RASSF8: variants seen among roughly 807,000 people sequenced by gnomAD.
RASSF8 encodes ras association domain-containing protein 8.
Under a neutral mutation model 48.5 loss-of-function variants are expected in RASSF8, and 22 were observed. That is an observed-to-expected ratio of 0.45 (90% CI 0.32 to 0.65). The LOEUF (loss-of-function observed/expected upper bound fraction) is 0.65, where lower values mean the gene tolerates loss of function less well. Ranked by LOEUF, RASSF8 falls within the 30% of genes least tolerant of loss-of-function variation. The pLI is 0.03. For missense variants in RASSF8, 418 were observed against 489.2 expected, an observed-to-expected ratio of 0.85 and a Z score of 1.37; for synonymous variants, 127 against 171.5, an observed-to-expected ratio of 0.74 and a Z score of 2.03.
At chr12:25,968,964 T>C (rs765681080) in intron 1 of RASSF8, among the ~76,000 whole-genome samples, 11 of 152,194 alleles carry the variant, frequency 7.2e-5, no homozygotes, top group Non-Finnish European at 1.3e-4. Flanking sequence ...GAGCCAGCTC[T>C]CTGGCTGCCT....
At chr12:25,990,120 A>T (rs894482177) in intron 1 of RASSF8, among the ~76,000 whole-genome samples, 3 of 152,190 alleles carry the variant, frequency 2.0e-5, no homozygotes, top group Non-Finnish European at 4.4e-5. Flanking sequence ...TGATCAAGTC[A>T]CCTAATCTTA....
At position 25,969,852 on chromosome 12, in the gene RASSF8, G is replaced by A. The variant is rs755856647; in HGVS notation, c.-203+10704G>A. Among the ~76,000 whole-genome samples the A allele has an allele frequency of 3.9e-5, 6 of 152,082 alleles. No individual in the cohort carries two copies. In the South Asian group the frequency reaches 8.3e-4, roughly 21 times the overall value. The stretch of plus-strand genomic sequence containing the variant: ...CCAGGGGCTGGGCCAGGGGTACTCA[G>A]CATCCTATCTGGTGAAGACTTGTTC... On this transcript the variant is annotated intron_variant, in intron 1 of 5. Transcript: ENST00000689635.
In RASSF8 at chr12:26,008,998, G is replaced by A. The variant is rs56303890; in HGVS notation, c.-109+13868G>A. ...TACAACCCAGATCTTTTGACTTCCA[G>A]ATCAGTCCAGTGTTTTTTCTTGCAC... On this transcript the variant is annotated intron_variant, in intron 2 of 5. Coordinates refer to ENST00000689635, the MANE Select transcript of RASSF8 (RefSeq NM_001394098.1). Among the ~76,000 whole-genome samples the A allele has an allele frequency of 1.4e-3, 215 of 152,198 alleles. 1 individual carries two copies. Among genetic ancestry groups the A allele is most frequent in the South Asian group, 9.6e-3 (46 of 4,814 alleles).
At chr12:25,974,054 TG>T (rs1170325356) in intron 1 of RASSF8, among the ~76,000 whole-genome samples, 1 of 151,788 alleles carries the variant, frequency 6.6e-6, no homozygotes, top group Non-Finnish European at 1.5e-5. Context: ...CAGAGAAGTT[TG>T]GGGCAAGTGT....
In RASSF8 at chr12:25,982,928, G is replaced by A. The variant is rs138547284; in HGVS notation, c.-202-12109G>A. Among the ~76,000 whole-genome samples, 879 of 152,290 alleles carry A rather than the reference G, an allele frequency of 5.8e-3. 6 individuals carry two copies. The highest frequency in any genetic ancestry group is 0.02 in the African/African-American group (847 of 41,560). On this transcript the variant is annotated intron_variant, in intron 1 of 5. Transcript: ENST00000689635. ...GACCTATAGGTGGTCCAAAGAAAAG[G>A]CAAATTATATAGTTGTAGAGTGGTT...
chr12:25,979,940 A>G (rs1216307534), intron 1 of RASSF8, among the ~76,000 whole-genome samples: 3 of 152,124 alleles, frequency 2.0e-5, no homozygotes, highest in Admixed American at 2.0e-4. Context: ...GCCAGCTTTT[A>G]CTGTTGGAAG....
intron 2 of RASSF8, among the ~76,000 whole-genome samples, chr12:26,034,090 C>T (rs1051414342): frequency 2.0e-4 from 31 of 151,946 alleles, no homozygotes; most frequent in African/African-American, 7.5e-4. Flanking sequence ...GGAAGCAATA[C>T]ATGGCAGGGC....
chr12:26,024,199 C>G (rs990194709), intron 2 of RASSF8, among the ~76,000 whole-genome samples: 6 of 152,104 alleles, frequency 3.9e-5, no homozygotes, highest in African/African-American at 1.2e-4. Context: ...TGAGGTCTTG[C>G]TCTGTTGCCC....
chr12:26,079,127 A>G (rs896668827), exon 6 of RASSF8: 4 of 1,286,664 alleles, frequency 3.1e-6, no homozygotes, highest in Admixed American at 4.5e-5. Context: ...GTGGGACTAC[A>G]TTAAACCCAA....
chr12:26,072,908 T>G, downstream of RASSF8: 2 of 790,440 alleles, frequency 2.5e-6, no homozygotes, highest in Non-Finnish European at 3.1e-6. Flanking sequence ...CTTTATATTT[T>G]TAAATACAAT....
At chr12:26,048,267 C>T (rs1943415479) in intron 2 of RASSF8, among the ~76,000 whole-genome samples, 2 of 152,228 alleles carry the variant, frequency 1.3e-5, no homozygotes, top group Admixed American at 1.3e-4. Context: ...TACCATCATT[C>T]ACCCATCCCT....
At chr12:25,978,320 G>A (rs1941657794) in intron 1 of RASSF8, among the ~76,000 whole-genome samples, 1 of 152,136 alleles carries the variant, frequency 6.6e-6, no homozygotes, top group Admixed American at 6.6e-5. Flanking sequence ...ATATATTCTG[G>A]AAGTGAGACT....
At chr12:26,012,682 C>CTTT (rs775400464) in intron 2 of RASSF8, among the ~76,000 whole-genome samples, 10,216 of 131,680 alleles carry the variant, frequency 0.078, 512 homozygotes, top group East Asian at 0.11. Flanking sequence ...GGCCTTTTTT[C>CTTT]TTTTTTTTTT....
chr12:25,979,755 T>C (rs1206536329), intron 1 of RASSF8, among the ~76,000 whole-genome samples: 1 of 152,182 alleles, frequency 6.6e-6, no homozygotes, highest in Admixed American at 6.5e-5. Flanking sequence ...GATGCTTCAC[T>C]GTAGAGGAGA....
At chr12:25,988,055 GTT>G (rs1941929493) in intron 1 of RASSF8, among the ~76,000 whole-genome samples, 1 of 151,022 alleles carries the variant, frequency 6.6e-6, no homozygotes. Flanking sequence ...TAGAGACAAG[GTT>G]TCACCATGCT....
chr12:26,056,773 T>G (rs1943611866), intron 3 of RASSF8, among the ~76,000 whole-genome samples: 1 of 152,234 alleles, frequency 6.6e-6, no homozygotes, highest in African/African-American at 2.4e-5. Context: ...GTGAAACTCT[T>G]TTTGCATTTG....
chr12:26,025,430 G>A (rs954746515), intron 2 of RASSF8, among the ~76,000 whole-genome samples: 2 of 151,992 alleles, frequency 1.3e-5, no homozygotes, highest in Non-Finnish European at 2.9e-5. Flanking sequence ...GTTGGCGGGC[G>A]CCTGTATTCC....
At chr12:25,958,388 C>A (rs1941129540), upstream of RASSF8, 1 of 151,488 alleles carries the variant, frequency 6.6e-6, no homozygotes, top group Non-Finnish European at 1.5e-5. Flanking sequence ...GCGGGCCGGG[C>A]GAGCGTGGCC....
In RASSF8 at chr12:26,065,198, G is replaced by A. The variant is rs761639412; in HGVS notation, c.804G>A (p.Met268Ile). ...ACTATTTGGCACAGATCCGGACTAT[G>A]GAAAGTGGTCTTGAAGCAGAAAAAT... is the stretch of plus-strand genomic sequence containing the variant. ...LKDYLAQIRT[M>I]ESGLEAEKLQ... is the part of the protein sequence containing the mutation. The change falls in exon 4 of 6, where the codon ATG becomes ATA. Residue 268 changes from methionine to isoleucine, a missense_variant. Coordinates refer to ENST00000689635, the MANE Select transcript of RASSF8 (RefSeq NM_001394098.1). The A allele has an allele frequency of 1.9e-6, 3 of 1,614,146 alleles. No homozygotes were observed. The highest frequency in any genetic ancestry group is 2.5e-6 in the Non-Finnish European group (3 of 1,179,986).
Sources: allele counts gnomAD v4.1 joint callset (sites outside exome capture counted in the v4.1 genomes callset), GRCh38; gene constraint gnomAD v4.1.1; transcripts MANE v1.5; gene names NCBI Gene and HGNC (gene_info 2026-07-23, HGNC 2026-07-21).